PSD3: variants seen among roughly 807,000 people sequenced by gnomAD.
PSD3 encodes the protein PH and SEC7 domain-containing protein 3.
PSD3 carries 49 observed loss-of-function variants against 105.5 expected under a neutral mutation model. The ratio of observed to expected loss-of-function variants is 0.46; its 90% confidence interval spans 0.37 to 0.59. The LOEUF is 0.59. Among genes scored for constraint, PSD3 ranks in the 20% least tolerant of loss-of-function variants. The probability of loss-of-function intolerance (pLI) is 0.00; values close to 1 mark genes in which losing one functional copy is unlikely to be tolerated. For missense variants in PSD3, 1,561 were observed against 1,263.8 expected, an observed-to-expected ratio of 1.24 and a Z score of -3.57; for synonymous variants, 557 against 457.8, an observed-to-expected ratio of 1.22 and a Z score of -2.77.
chr8:18,663,640 T>A (rs1404032935), intron 9 of PSD3, among the ~76,000 whole-genome samples: 1 of 152,224 alleles, frequency 6.6e-6, no homozygotes, highest in African/African-American at 2.4e-5. Flanking sequence ...TTGAACTGGC[T>A]GTTGTGTCTC....
intron 2 of PSD3, among the ~76,000 whole-genome samples, chr8:18,934,696 CT>C (rs1821993233): frequency 2.6e-5 from 4 of 152,104 alleles, no homozygotes; most frequent in Admixed American, 2.6e-4. Context: ...GATGAGAAAA[CT>C]GAGCCGCAAA....
chr8:18,806,249 G>A (rs966829328), intron 4 of PSD3, among the ~76,000 whole-genome samples: 3 of 152,060 alleles, frequency 2.0e-5, no homozygotes, highest in African/African-American at 4.8e-5. Context: ...CTCCACTATT[G>A]TTTTTGCACC....
chr8:18,559,860 A>C lies in PSD3; in HGVS notation c.2785-3508T>G, dbSNP rs2035682. 3.3e-4 allele frequency among the ~76,000 whole-genome samples: 50 copies of C among 152,246 alleles called. No individual in the cohort carries two copies. The East Asian group carries it at 9.5e-3, about 29-fold the overall frequency. On this transcript the variant is annotated intron_variant, in intron 14 of 15. Coordinates refer to ENST00000327040, the MANE Select transcript of PSD3 (RefSeq NM_015310.4). ...TACCAGGGCTTGCTCGGGTTTGTTC[A>C]CTGTTACCAAGCTATGGTACGTAAA...
chr8:18,998,619 G>A (rs566837581), intron 1 of PSD3, among the ~76,000 whole-genome samples: 44 of 152,082 alleles, frequency 2.9e-4, no homozygotes, highest in African/African-American at 8.4e-4. Flanking sequence ...CGCGGGAGGC[G>A]GAGGTTGCAG....
At chr8:18,668,640 G>T (rs1327017818) in intron 9 of PSD3, among the ~76,000 whole-genome samples, 1 of 152,142 alleles carries the variant, frequency 6.6e-6, no homozygotes, top group African/African-American at 2.4e-5. Flanking sequence ...GCTTTTAACT[G>T]CCCTAATCAC....
intron 11 of PSD3, among the ~76,000 whole-genome samples, chr8:18,613,404 G>A (rs1805419227): frequency 1.3e-5 from 2 of 152,132 alleles, no homozygotes; most frequent in Admixed American, 1.3e-4. Context: ...TCCCTGAGAT[G>A]GAGAGCCTGT....
intron 1 of PSD3, among the ~76,000 whole-genome samples, chr8:19,013,273 T>C (rs1373100626): frequency 6.6e-6 from 1 of 151,760 alleles, no homozygotes; most frequent in South Asian, 2.1e-4. Context: ...TCCTCTTTCA[T>C]GTTGCCTTCT....
intron 11 of PSD3, 71 bp from the exon 12 acceptor site, chr8:18,600,505 C>T (rs77583765): frequency 1.6e-6 from 2 of 1,241,414 alleles, no homozygotes; most frequent in African/African-American, 1.5e-5. Context: ...AAATGATCAA[C>T]ATGGTGACAG....
chr8:19,075,015 A>C (rs12681061), intron 1 of PSD3, among the ~76,000 whole-genome samples: 1 of 151,236 alleles, frequency 6.6e-6, no homozygotes, highest in Non-Finnish European at 1.5e-5. Flanking sequence ...GTGCAGTCTC[A>C]GCTCACTACA....
At chr8:18,959,771 G>C (rs1463518926) in intron 1 of PSD3, among the ~76,000 whole-genome samples, 1 of 152,172 alleles carries the variant, frequency 6.6e-6, no homozygotes, top group African/African-American at 2.4e-5. Flanking sequence ...AGCCACGCCA[G>C]CAAGGCCAGG....
chr8:18,896,215 C>T (rs1382506678), intron 2 of PSD3, among the ~76,000 whole-genome samples: 1 of 152,206 alleles, frequency 6.6e-6, no homozygotes, highest in Non-Finnish European at 1.5e-5. Context: ...ATGCTTTCAT[C>T]TGCTGATGGA....
chr8:19,054,928 A>C (rs1264335756), intron 1 of PSD3, among the ~76,000 whole-genome samples: 1 of 152,228 alleles, frequency 6.6e-6, no homozygotes, highest in African/African-American at 2.4e-5. Flanking sequence ...AATTTGTGAT[A>C]GAAACTTCTA....
rs1389208663 is a variant in PSD3, at chr8:18,681,836, A to G, written c.2173-26151T>C. 1.3e-5 allele frequency among the ~76,000 whole-genome samples: 2 copies of G among 152,102 alleles called. 1 individual carries two copies. Reference sequence around the variant, plus strand: ...TGTGAGATATTGGGAGCTTGGCTATATCCTTGAACACATATTCTGTAACTT... The same window carrying G: ...TGTGAGATATTGGGAGCTTGGCTATGTCCTTGAACACATATTCTGTAACTT... On this transcript the variant is annotated intron_variant, in intron 9 of 15. Coordinates refer to ENST00000327040, the MANE Select transcript of PSD3 (RefSeq NM_015310.4).
intron 15 of PSD3, among the ~76,000 whole-genome samples, chr8:18,537,781 A>T (rs1349302652): frequency 6.6e-6 from 1 of 152,048 alleles, no homozygotes; most frequent in East Asian, 1.9e-4. Flanking sequence ...GGTTCTAGCA[A>T]TTCTCCTGCC....
At chr8:19,030,453 GA>G (rs1214396436) in intron 1 of PSD3, among the ~76,000 whole-genome samples, 1 of 152,126 alleles carries the variant, frequency 6.6e-6, no homozygotes, top group African/African-American at 2.4e-5. Context: ...ATCATGGGGT[GA>G]ATGATCCATG....
At chr8:18,990,529 T>C (rs1825734460) in intron 1 of PSD3, among the ~76,000 whole-genome samples, 1 of 152,204 alleles carries the variant, frequency 6.6e-6, no homozygotes, top group Non-Finnish European at 1.5e-5. Flanking sequence ...CAGCAATCCT[T>C]CTCCTGGTAA....
intron 1 of PSD3, 122 bp downstream of exon 1, chr8:19,013,441 G>A: frequency 7.2e-7 from 1 of 1,380,772 alleles, no homozygotes; most frequent in East Asian, 2.6e-5. Context: ...TATCCAGACA[G>A]CACAAACCCA....
intron 9 of PSD3, among the ~76,000 whole-genome samples, chr8:18,719,945 T>C (rs538345115): frequency 6.6e-6 from 1 of 152,274 alleles, no homozygotes; most frequent in Non-Finnish European, 1.5e-5. Flanking sequence ...GCCTCTTCTG[T>C]TCATAGCGAT....
chr8:18,919,093 T>A (rs544076252), intron 2 of PSD3, among the ~76,000 whole-genome samples: 2 of 152,302 alleles, frequency 1.3e-5, no homozygotes, highest in South Asian at 4.1e-4. Context: ...AGTGGATATA[T>A]AATTTACCTG....
Sources: gnomAD v4.1 joint callset for allele counts (sites outside exome capture counted in the v4.1 genomes callset) on GRCh38, gnomAD v4.1.1 for gene constraint, MANE v1.5 for transcripts, NCBI Gene and HGNC (gene_info 2026-07-23, HGNC 2026-07-21) for gene names.